Variants in EEF1G observed in about 807,000 individuals in gnomAD.
EEF1G encodes eukaryotic translation elongation factor 1 gamma.
Under a neutral mutation model 58.3 loss-of-function variants are expected in EEF1G, and 14 were observed. That is an observed-to-expected ratio of 0.24 (90% confidence interval 0.16 to 0.38). The LOEUF is 0.38. Among genes scored for constraint, EEF1G ranks in the 10% least tolerant of loss-of-function variants. The pLI is 1.00. For missense variants in EEF1G, 322 were observed against 550.1 expected (o/e 0.59, Z 4.15); for synonymous variants, 180 against 206.8 (o/e 0.87, Z 1.11).
At chr11:62,562,055 T>G (rs1228240849) in intron 7 of EEF1G, among the ~76,000 whole-genome samples, 1 of 152,248 alleles carries the variant, frequency 6.6e-6, no homozygotes, top group East Asian at 1.9e-4. Context: ...CCTTGAGTTG[T>G]GTCCCGCATA....
In EEF1G at chr11:62,559,867, G is replaced by C. The variant is rs377072285; in HGVS notation, c.1156-30C>G. The C allele has an allele frequency of 3.1e-6, 5 of 1,613,766 alleles. No individual in the cohort carries two copies. In the African/African-American group the frequency reaches 5.3e-5, roughly 17 times the overall value. ...GGATAAAAAGCCAGCATGTGGTCAA[G>C]TTATGAGACACCACCCCACACCTGT... is the stretch of plus-strand genomic sequence containing the variant. On this transcript the variant is annotated intron_variant, in intron 9 of 9. Transcript: ENST00000329251.
At chr11:62,567,296 C>T in intron 6 of EEF1G, 103 bp downstream of exon 6, 2 of 1,433,988 alleles carry the variant, frequency 1.4e-6, no homozygotes, top group Non-Finnish European at 1.9e-6. Context: ...CTACATTCTG[C>T]AGGTCCCCAT....
chr11:62,563,143 T>A (rs1332941854), intron 7 of EEF1G, among the ~76,000 whole-genome samples: 1 of 151,762 alleles, frequency 6.6e-6, no homozygotes, highest in African/African-American at 2.4e-5. Context: ...TTATTTTTCC[T>A]TGAGACGGAG....
chr11:62,561,379 G>C (rs549211660), intron 7 of EEF1G, among the ~76,000 whole-genome samples: 1 of 148,942 alleles, frequency 6.7e-6, no homozygotes, highest in African/African-American at 2.5e-5. Flanking sequence ...AGTCCTGTCT[G>C]GGGGGAAAAA....
intron 6 of EEF1G, 128 bp downstream of exon 6, chr11:62,567,271 T>C: frequency 4.7e-6 from 6 of 1,269,416 alleles, no homozygotes; most frequent in Non-Finnish European, 6.4e-6. Flanking sequence ...TAATATTAGC[T>C]ACCACATTGA....
intron 7 of EEF1G, among the ~76,000 whole-genome samples, chr11:62,561,364 G>C (rs561230956): frequency 2.9e-4 from 44 of 151,052 alleles, no homozygotes; most frequent in African/African-American, 1.0e-3. Flanking sequence ...GGGCGATAGA[G>C]GAAGAGTCCT....
chr11:62,570,748 G>A (rs112310853), intron 5 of EEF1G, among the ~76,000 whole-genome samples: 2 of 152,164 alleles, frequency 1.3e-5, no homozygotes, highest in African/African-American at 4.8e-5. Flanking sequence ...TAGAGACAGG[G>A]TTTTACCATG....
chr11:62,571,448 T>A, intron 4 of EEF1G, 92 bp downstream of exon 4: 1 of 1,471,380 alleles, frequency 6.8e-7, no homozygotes, highest in South Asian at 1.4e-5. Context: ...ATCCTTGGCA[T>A]CTTTTTTTCA....
chr11:62,566,421 A>T (rs1227762807), intron 7 of EEF1G, among the ~76,000 whole-genome samples: 1 of 152,240 alleles, frequency 6.6e-6, no homozygotes, highest in Non-Finnish European at 1.5e-5. Flanking sequence ...ATCTCCGCAC[A>T]GCCGGGCGCG....
In EEF1G at chr11:62,570,977, C is replaced by A. The variant is rs749209857; in HGVS notation, c.510G>T (p.Trp170Cys). Residue 170 changes from tryptophan (W) to cysteine (C), a missense_variant, in exon 5 of 10, where the codon TGG (tryptophan) becomes TGT (cysteine). This residue lies in a region of EEF1G where 52 missense variants were observed against 139.4 expected (regional missense o/e 0.37). Coordinates refer to ENST00000329251, the MANE Select transcript of EEF1G (RefSeq NM_001404.5). The part of the protein sequence containing the change: ...ADITVVCTLL[W>C]LYKQVLEPSF... ...CCATAAACTTCACCTGCTTATAGAGCCACAACAGGGTGCAGACAACTGTGA... is the reference window on the plus strand; with the variant it reads ...CCATAAACTTCACCTGCTTATAGAGACACAACAGGGTGCAGACAACTGTGA... 1 of 1,613,890 alleles carries A rather than the reference C, an allele frequency of 6.2e-7. No homozygotes were observed. Among genetic ancestry groups the A allele is most frequent in the South Asian group, 1.1e-5 (1 of 91,080 alleles).
At chr11:62,570,369 A>G (rs1004540962) in intron 5 of EEF1G, among the ~76,000 whole-genome samples, 5 of 152,054 alleles carry the variant, frequency 3.3e-5, no homozygotes, top group Non-Finnish European at 7.4e-5. Context: ...GCCTGCCTCC[A>G]AAAAGATCTT....
intron 5 of EEF1G, among the ~76,000 whole-genome samples, 151 bp from the exon 6 acceptor site, chr11:62,567,679 G>T (rs1306068670): frequency 1.3e-5 from 2 of 151,300 alleles, no homozygotes; most frequent in Non-Finnish European, 2.9e-5. Flanking sequence ...TCCTTCCCTG[G>T]ATTACTTCCC....
intron 5 of EEF1G, among the ~76,000 whole-genome samples, chr11:62,569,255 T>C (rs1295792735): frequency 6.6e-6 from 1 of 152,178 alleles, no homozygotes; most frequent in African/African-American, 2.4e-5. Flanking sequence ...GTGGATCACC[T>C]GAGGTCCTCA....
chr11:62,567,536 G>C lies in EEF1G; in HGVS notation c.523-8C>G. The C allele has an allele frequency of 6.3e-7, 1 of 1,590,996 alleles. No homozygotes were observed. The highest frequency in any genetic ancestry group is 8.6e-7 in the Non-Finnish European group (1 of 1,169,568). Reference sequence around the variant, plus strand: ...GAAAGAAGGCTCTAGAACCTGCCAGGACATAAGGGTGTAAACAAAGTCAGT... The same window carrying C: ...GAAAGAAGGCTCTAGAACCTGCCAGCACATAAGGGTGTAAACAAAGTCAGT... On this transcript the variant is annotated splice_region_variant and splice_polypyrimidine_tract_variant and intron_variant, in intron 5 of 9. Coordinates refer to ENST00000329251, the MANE Select transcript of EEF1G (RefSeq NM_001404.5).
intron 7 of EEF1G, among the ~76,000 whole-genome samples, chr11:62,565,096 C>G (rs1234568317): frequency 6.6e-6 from 1 of 150,826 alleles, no homozygotes; most frequent in South Asian, 2.1e-4. Context: ...CAAAAAAAAA[C>G]AAAAAACACA....
chr11:62,570,383 G>A (rs1367211478), intron 5 of EEF1G, among the ~76,000 whole-genome samples: 2 of 152,074 alleles, frequency 1.3e-5, no homozygotes, highest in African/African-American at 4.8e-5. Context: ...AGATCTTAAT[G>A]CTGAAGCTAC....
At chr11:62,564,690 T>C (rs1366526156) in intron 7 of EEF1G, among the ~76,000 whole-genome samples, 1 of 132,182 alleles carries the variant, frequency 7.6e-6, no homozygotes, top group Non-Finnish European at 1.5e-5. Flanking sequence ...ACCCGGCAGG[T>C]GGAGGTTGCA....
intron 5 of EEF1G, among the ~76,000 whole-genome samples, chr11:62,568,618 A>G (rs1327816111): frequency 6.6e-6 from 1 of 151,916 alleles, no homozygotes; most frequent in Non-Finnish European, 1.5e-5. Flanking sequence ...TAGGAGTAGG[A>G]GTAATAATTG....
Position 62,567,498 on chromosome 11 carries a change from GA to G in EEF1G, c.552del (p.Asn186IlefsTer22). Reference protein sequence around the residue: ...QVLEPSFRQAFPNTNRWFLTC... With the variant: ...QVLEPSFRQAXPNTNRWFLTC... ...GTGAGGAACCAGCGGTTGGTATTGG[GA>G]AAGGCCTGGCGGAAAGAAGGCTCTA... On this transcript the variant is annotated frameshift_variant, in exon 6 of 10. Coordinates refer to ENST00000329251, the MANE Select transcript of EEF1G (RefSeq NM_001404.5). LOFTEE classifies it high-confidence loss of function. The G allele has an allele frequency of 6.2e-7, 1 of 1,610,748 alleles. No homozygotes were observed.
Sources: allele counts gnomAD v4.1 joint callset (sites outside exome capture counted in the v4.1 genomes callset), GRCh38; gene constraint gnomAD v4.1.1; regional missense constraint gnomAD v4.1.1; transcripts MANE v1.5; gene names NCBI Gene and HGNC (gene_info 2026-07-23, HGNC 2026-07-21).